The following NCAM1 variants were observed in gnomAD, a reference collection of about 807,000 sequenced individuals.
NCAM1 encodes the protein antigen recognized by monoclonal antibody 5.1H11.
Under a neutral mutation model 109.8 loss-of-function variants are expected in NCAM1, and 14 were observed. That is an observed-to-expected ratio of 0.13 (90% CI 0.08 to 0.20). NCAM1 has a LOEUF of 0.20. Ranked by LOEUF, NCAM1 falls within the 10% of genes least tolerant of loss-of-function variation. NCAM1 has a pLI of 1.00. For synonymous variants in NCAM1, 418 were observed against 442.9 expected, an observed-to-expected ratio of 0.94 and a Z score of 0.70; for missense variants, 774 against 1,109.9, an observed-to-expected ratio of 0.70 and a Z score of 4.30.
intron 1 of NCAM1, among the ~76,000 whole-genome samples, chr11:113,140,413 G>A (rs576900583): frequency 3.9e-5 from 6 of 152,148 alleles, no homozygotes; most frequent in Admixed American, 6.5e-5. Flanking sequence ...CCAGCATTAT[G>A]AAGTGAAGCC....
At chr11:113,201,132 G>T (rs781803549) in intron 1 of NCAM1, among the ~76,000 whole-genome samples, 1 of 152,004 alleles carries the variant, frequency 6.6e-6, no homozygotes, top group Non-Finnish European at 1.5e-5. Context: ...TCCGTGACCT[G>T]CCTTGTCTGT....
chr11:113,231,973 A>C (rs1945023886), intron 10 of NCAM1, among the ~76,000 whole-genome samples, 178 bp downstream of exon 10: 1 of 152,110 alleles, frequency 6.6e-6, no homozygotes, highest in African/African-American at 2.4e-5. Flanking sequence ...CACCATCTCC[A>C]GGCTTCTTAC....
intron 1 of NCAM1, among the ~76,000 whole-genome samples, chr11:112,985,080 CA>C (rs1199578155): frequency 6.6e-6 from 1 of 151,654 alleles, no homozygotes; most frequent in Non-Finnish European, 1.5e-5. Flanking sequence ...GATAAGTATC[CA>C]ATTTCATTCT....
chr11:113,048,363 C>G (rs1953344343), intron 1 of NCAM1, among the ~76,000 whole-genome samples: 1 of 152,186 alleles, frequency 6.6e-6, no homozygotes, highest in South Asian at 2.1e-4. Flanking sequence ...TTGTGCATCA[C>G]TTGCTATATT....
In NCAM1 at chr11:113,059,683, C is replaced by T. The variant is rs7932508; in HGVS notation, c.52+98019C>T. On this transcript the variant is annotated intron_variant, in intron 1 of 19. Coordinates refer to ENST00000316851, the MANE Select transcript of NCAM1 (RefSeq NM_181351.5). ...TTCACATATAACCAGCACCGCATCA[C>T]TTCAGCCATATTCCATCGGTCCAGG... is the stretch of plus-strand genomic sequence containing the variant. Among the ~76,000 whole-genome samples the T allele has an allele frequency of 4.3e-3, 657 of 152,326 alleles. 5 individuals are homozygous for T. Among genetic ancestry groups the T allele is most frequent in the African/African-American group, 0.015 (629 of 41,580 alleles).
At chr11:113,028,699 A>T (rs1291587842) in intron 1 of NCAM1, among the ~76,000 whole-genome samples, 5 of 152,194 alleles carry the variant, frequency 3.3e-5, no homozygotes, top group African/African-American at 1.2e-4. Flanking sequence ...TGCAGTATGA[A>T]GGTGGTTTCT....
At chr11:113,107,782 G>A (rs1263237209) in intron 1 of NCAM1, among the ~76,000 whole-genome samples, 1 of 152,104 alleles carries the variant, frequency 6.6e-6, no homozygotes, top group Non-Finnish European at 1.5e-5. Context: ...TTTGGGTGGG[G>A]ACACAGCCAA....
chr11:113,165,879 C>A (rs1471764728), intron 1 of NCAM1, among the ~76,000 whole-genome samples: 1 of 151,098 alleles, frequency 6.6e-6, no homozygotes, highest in Admixed American at 6.6e-5. Flanking sequence ...GTGGCGTGAT[C>A]TCGGCTCACT....
At chr11:113,112,968 C>T (rs1417775340) in intron 1 of NCAM1, among the ~76,000 whole-genome samples, 2 of 151,988 alleles carry the variant, frequency 1.3e-5, no homozygotes, top group East Asian at 1.9e-4. Context: ...CCCGTCTCTA[C>T]TAAAAATACA....
At chr11:113,239,867 T>C (rs1555118876) in intron 14 of NCAM1, among the ~76,000 whole-genome samples, 1 of 152,202 alleles carries the variant, frequency 6.6e-6, no homozygotes, top group African/African-American at 2.4e-5. Flanking sequence ...GACAAAACCA[T>C]GAGTATTAGA....
At chr11:113,180,378 C>T (rs192757438) in intron 1 of NCAM1, among the ~76,000 whole-genome samples, 1 of 152,202 alleles carries the variant, frequency 6.6e-6, no homozygotes, top group African/African-American at 2.4e-5. Flanking sequence ...ATAGGTATCT[C>T]CAAGATTCCT....
chr11:113,107,388 T>C (rs539553162), intron 1 of NCAM1, among the ~76,000 whole-genome samples: 1 of 152,306 alleles, frequency 6.6e-6, no homozygotes, highest in South Asian at 2.1e-4. Flanking sequence ...CCATAAATGC[T>C]TTTGAGATTT....
intron 1 of NCAM1, among the ~76,000 whole-genome samples, chr11:113,152,049 A>C (rs1942243760): frequency 6.6e-6 from 1 of 152,142 alleles, no homozygotes; most frequent in African/African-American, 2.4e-5. Flanking sequence ...TTAAGTGTAC[A>C]TTTGCAGTGG....
chr11:113,104,354 G>T (rs377649392), intron 1 of NCAM1, among the ~76,000 whole-genome samples: 1 of 151,792 alleles, frequency 6.6e-6, no homozygotes, highest in Admixed American at 6.6e-5. Context: ...ATCTGAGGCT[G>T]CTTCTGAGGC....
chr11:113,192,229 A>G (rs1943700110), intron 1 of NCAM1, among the ~76,000 whole-genome samples: 1 of 152,168 alleles, frequency 6.6e-6, no homozygotes, highest in Non-Finnish European at 1.5e-5. Flanking sequence ...GGAAGCAATC[A>G]GATAGTGTAC....
chr11:113,204,691 G>A (rs972477931), intron 3 of NCAM1, among the ~76,000 whole-genome samples, 187 bp downstream of exon 3: 1 of 152,186 alleles, frequency 6.6e-6, no homozygotes, highest in African/African-American at 2.4e-5. Context: ...ACTGGTCACA[G>A]CTACTCCCCC....
At chr11:113,272,566 G>T (rs1555125684) in intron 19 of NCAM1, among the ~76,000 whole-genome samples, 1 of 152,152 alleles carries the variant, frequency 6.6e-6, no homozygotes, top group African/African-American at 2.4e-5. Context: ...GGTGGATGCT[G>T]AACAGAAGCC....
At chr11:113,202,240 T>G in intron 1 of NCAM1, 139 bp from the exon 2 acceptor site, 2 of 867,276 alleles carry the variant, frequency 2.3e-6, no homozygotes, top group Non-Finnish European at 3.5e-6. Context: ...CCTTCACTCT[T>G]TCTTAAAGTC....
At chr11:113,106,191 CCAGGTCT>C (rs564202263) in intron 1 of NCAM1, among the ~76,000 whole-genome samples, 143 of 152,172 alleles carry the variant, frequency 9.4e-4, no homozygotes, top group Non-Finnish European at 1.6e-3. Context: ...CTAAATATTA[CCAGGTCT>C]CATTTATGTG....
Sources: gnomAD v4.1 joint callset for allele counts (sites outside exome capture counted in the v4.1 genomes callset) on GRCh38, gnomAD v4.1.1 for gene constraint, MANE v1.5 for transcripts, NCBI Gene and HGNC (gene_info 2026-07-23, HGNC 2026-07-21) for gene names.